The following MFAP5 variants were observed in gnomAD, a reference collection of about 807,000 sequenced individuals.
The protein encoded by MFAP5 is microfibrillar-associated protein 5.
Under a neutral mutation model 30.1 loss-of-function variants are expected in MFAP5, and 19 were observed. The ratio of observed to expected loss-of-function variants is 0.63; its 90% CI spans 0.44 to 0.93. The LOEUF is 0.93. MFAP5 is among the 40% of genes least tolerant of loss of function. The probability of loss-of-function intolerance (pLI) is 0.00; values close to 1 mark genes in which losing one functional copy is unlikely to be tolerated. For missense variants in MFAP5, 210 were observed against 221.3 expected, an observed-to-expected ratio of 0.95 and a Z score of 0.32; for synonymous variants, 92 against 72.9, an observed-to-expected ratio of 1.26 and a Z score of -1.33.
At chr12:8,656,269 C>T (rs766122544) in intron 3 of MFAP5, among the ~76,000 whole-genome samples, 7 of 151,662 alleles carry the variant, frequency 4.6e-5, no homozygotes, top group South Asian at 2.1e-4. Context: ...ACCGTGGTCT[C>T]GATCTCCTGA....
intron 3 of MFAP5, chr12:8,658,560 A>T (rs910366676): frequency 6.6e-6 from 1 of 152,120 alleles, no homozygotes; most frequent in African/African-American, 2.4e-5. Context: ...AGAGGAGTGG[A>T]GCCTCTCCCG....
Position 8,647,862 on chromosome 12 carries a change from G to A in MFAP5, c.*229C>T, listed in dbSNP as rs1941725312. On this transcript the variant is annotated 3_prime_UTR_variant, in exon 10 of 10. Coordinates refer to ENST00000359478, the MANE Select transcript of MFAP5 (RefSeq NM_003480.4). ...CTATTCACTGTGTCTATGATATTGA[G>A]AAGCAGCAAAATTATGCAATAATAT... The A allele has an allele frequency of 2.7e-6, 1 of 364,196 alleles. No individual in the cohort carries two copies. The highest frequency in any genetic ancestry group is 4.1e-5 in the Admixed American group (1 of 24,352). 22.6% of individuals were successfully genotyped at this position (364,196 alleles called of 1,614,324 possible).
chr12:8,656,573 A>AACATATATATATATATATATATAT (rs1248213357), intron 3 of MFAP5, among the ~76,000 whole-genome samples: 2 of 128,544 alleles, frequency 1.6e-5, no homozygotes, highest in African/African-American at 6.6e-5. Flanking sequence ...ATGCCTGGCT[A>AACATATATATATATATATATATAT]ATATATATAT....
intron 3 of MFAP5, among the ~76,000 whole-genome samples, chr12:8,660,241 T>G (rs1249608573): frequency 6.6e-6 from 1 of 150,816 alleles, no homozygotes; most frequent in East Asian, 1.9e-4. Context: ...CAGGCTGGAG[T>G]GCAATGGCAT....
chr12:8,651,757 A>C (rs1941845980), intron 6 of MFAP5, 66 bp from the exon 7 acceptor site: 1 of 1,450,552 alleles, frequency 6.9e-7, no homozygotes, highest in East Asian at 2.3e-5. Context: ...TAACTGCCAC[A>C]CTGCCTCACT....
intron 3 of MFAP5, among the ~76,000 whole-genome samples, chr12:8,659,751 T>A (rs779807953): frequency 6.6e-6 from 1 of 152,202 alleles, no homozygotes; most frequent in Non-Finnish European, 1.5e-5. Flanking sequence ...TATATACATA[T>A]GGAAAACTAA....
At chr12:8,648,645 A>T in intron 9 of MFAP5, 1 of 709,108 alleles carries the variant, frequency 1.4e-6, no homozygotes, top group Non-Finnish European at 2.1e-6. Context: ...GTCCCTTGAG[A>T]TACTTGAAAG....
chr12:8,660,774 T>A, intron 3 of MFAP5, 89 bp downstream of exon 3: 5 of 1,033,516 alleles, frequency 4.8e-6, no homozygotes, highest in Non-Finnish European at 5.7e-6. Flanking sequence ...TTGGCAGCGA[T>A]AGATAAGCAG....
chr12:8,659,140 C>G lies in MFAP5; in HGVS notation c.94+1723G>C, dbSNP rs576430217. 2.2e-3 allele frequency among the ~76,000 whole-genome samples: 327 copies of G among 152,058 alleles called. 2 individuals are homozygous for G. The highest frequency in any genetic ancestry group is 7.7e-3 in the African/African-American group (319 of 41,488). ...CCTGACTAACACGGTGAAACCCTGTCTCTACTAAATACAAAAAATTAGCCA... is the reference window on the plus strand; with the variant it reads ...CCTGACTAACACGGTGAAACCCTGTGTCTACTAAATACAAAAAATTAGCCA... On this transcript the variant is annotated intron_variant, in intron 3 of 9. Coordinates refer to ENST00000359478, the MANE Select transcript of MFAP5 (RefSeq NM_003480.4).
rs1942174058 is a variant in MFAP5 at position 8,662,194 on chromosome 12, T to C, written c.-2-88A>G. On this transcript the variant is annotated intron_variant, in intron 1 of 9. Coordinates refer to ENST00000359478, the MANE Select transcript of MFAP5 (RefSeq NM_003480.4). The stretch of plus-strand genomic sequence containing the variant: ...CAGGGAAAGATGCCTCTGAGGTCCC[T>C]GTCTCTTTGTCTTCCCAGAACTTTC... 2.4e-5 allele frequency: 25 copies of C among 1,044,458 alleles called. 1 individual carries two copies. In the South Asian group the frequency reaches 3.1e-4, roughly 13 times the overall value. 64.7% of individuals were successfully genotyped at this position (1,044,458 alleles called of 1,614,324 possible).
intron 6 of MFAP5, among the ~76,000 whole-genome samples, chr12:8,653,035 C>CA (rs1329761675): frequency 1.3e-5 from 2 of 151,678 alleles, no homozygotes; most frequent in African/African-American, 2.4e-5. Flanking sequence ...ACTAAAAATA[C>CA]AAAAAAATTA....
intron 4 of MFAP5, among the ~76,000 whole-genome samples, 163 bp from the exon 5 acceptor site, chr12:8,655,610 A>C (rs1449120910): frequency 6.6e-6 from 1 of 152,204 alleles, no homozygotes; most frequent in African/African-American, 2.4e-5. Flanking sequence ...TGGAAGAGAG[A>C]GTAAGACTGG....
At chr12:8,650,081 C>T (rs186641306) in intron 8 of MFAP5, among the ~76,000 whole-genome samples, 283 of 152,304 alleles carry the variant, frequency 1.9e-3, no homozygotes, top group Non-Finnish European at 3.1e-3. Context: ...ACCTCCAGCT[C>T]CATCCAAGTT....
Position 8,655,766 on chromosome 12 carries a change from C to CAAATATTTTAT in MFAP5, c.139+19_139+20insATAAAATATTT, listed in dbSNP as rs764277582. On this transcript the variant is annotated intron_variant, in intron 4 of 9. Transcript: ENST00000359478. ...CCCAATAAAACAGCAAACAAACAAA[C>CAAATATTTTAT]AAACAAAAGTGTAGCTTACTAGGAT... is the stretch of plus-strand genomic sequence containing the variant. 1 of 1,606,906 alleles carries CAAATATTTTAT rather than the reference C, an allele frequency of 6.2e-7. No individual in the cohort carries two copies. Among genetic ancestry groups the CAAATATTTTAT allele is most frequent in the South Asian group, 1.1e-5 (1 of 91,012 alleles).
chr12:8,656,969 G>A (rs1237437849), intron 3 of MFAP5, among the ~76,000 whole-genome samples: 2 of 151,904 alleles, frequency 1.3e-5, no homozygotes, highest in Admixed American at 1.3e-4. Context: ...CACCTGGCCT[G>A]TTTGCTAAAT....
Position 8,648,100 on chromosome 12 carries a change from A to G in MFAP5, c.513T>C (p.Asn171=). The G allele has an allele frequency of 3.1e-6, 5 of 1,611,732 alleles. No homozygotes were observed. Among genetic ancestry groups the G allele is most frequent in the Admixed American group, 3.3e-5 (2 of 60,016 alleles). ...TCCTCTTTTTCAATGATCACAGACC[A>G]TTGGGTCTCTGCAAATCCACATTTT... ...PCENVDLQRP[N]GL Residue 171 remains asparagine (N), a synonymous_variant, in exon 10 of 10, where the codon AAT becomes AAC. Coordinates refer to ENST00000359478, the MANE Select transcript of MFAP5 (RefSeq NM_003480.4).
In MFAP5 at chr12:8,649,557, A is replaced by G. The variant is rs1941776470; in HGVS notation, c.353T>C (p.Ile118Thr). The stretch of plus-strand genomic sequence containing the variant: ...ACGAGAGCAGATCTCCTTGTTGACG[A>G]TGTACATACGTCGTAAACTGCAGAC... ...LCFTSLRRMY[I>T]VNKEICSRLV... The change falls in exon 9 of 10, where the codon ATC (isoleucine) becomes ACC (threonine). Residue 118 changes from isoleucine (I) to threonine (T), a missense_variant. Ile to Thr is a moderately conservative substitution (Grantham distance 89). Coordinates refer to ENST00000359478, the MANE Select transcript of MFAP5 (RefSeq NM_003480.4). The G allele has an allele frequency of 1.2e-6, 2 of 1,614,030 alleles. No individual in the cohort carries two copies. Among genetic ancestry groups the G allele is most frequent in the South Asian group, 2.2e-5 (2 of 91,070 alleles).
intron 2 of MFAP5, among the ~76,000 whole-genome samples, chr12:8,661,650 T>C (rs958224714): frequency 8.6e-5 from 13 of 151,922 alleles, no homozygotes; most frequent in African/African-American, 3.1e-4. Flanking sequence ...GCTAGGAGTA[T>C]AGGTGTGAGC....
Position 8,650,278 on chromosome 12 carries a change from C to T in MFAP5, c.335+224G>A, listed in dbSNP as rs2289384. 30,144 of 527,364 alleles carry T rather than the reference C, an allele frequency of 0.057. 1,008 individuals carry two copies. Among genetic ancestry groups the T allele is most frequent in the Middle Eastern group, 0.082 (164 of 2,012 alleles). 32.7% of individuals were successfully genotyped at this position (527,364 alleles called of 1,614,324 possible). On this transcript the variant is annotated intron_variant, in intron 8 of 9. Coordinates refer to ENST00000359478, the MANE Select transcript of MFAP5 (RefSeq NM_003480.4). ...CTCATGACCCTTCTTCCTCCAGCGC[C>T]CACCTTCATTTCCCTTCTAAGTTCT...
Sources: gnomAD v4.1 joint callset for allele counts (sites outside exome capture counted in the v4.1 genomes callset) on GRCh38, gnomAD v4.1.1 for gene constraint, MANE v1.5 for transcripts, NCBI Gene and HGNC (gene_info 2026-07-23, HGNC 2026-07-21) for gene names.